The following AMN1 variants were observed in gnomAD, a reference collection of about 807,000 sequenced individuals.
AMN1 encodes the protein antagonist of mitotic exit network 1 homolog.
In AMN1, 20 loss-of-function variants were observed where a neutral mutation model predicts 33.0. The ratio of observed to expected loss-of-function variants is 0.61; its 90% CI spans 0.43 to 0.88. The LOEUF (loss-of-function observed/expected upper bound fraction) is 0.88. Among genes scored for constraint, AMN1 ranks in the 40% least tolerant of loss-of-function variants. The probability of loss-of-function intolerance (pLI) is 0.00; values close to 1 mark genes in which losing one functional copy is unlikely to be tolerated. For synonymous variants in AMN1, 114 were observed against 111.9 expected (o/e 1.02, Z -0.12); for missense variants, 246 against 307.4 (o/e 0.80, Z 1.49).
intron 1 of AMN1, among the ~76,000 whole-genome samples, chr12:31,709,834 A>T (rs1009055480): frequency 6.6e-6 from 1 of 152,182 alleles, no homozygotes; most frequent in African/African-American, 2.4e-5. Context: ...GTCTCAAAAA[A>T]AAGTATATAC....
intron 6 of AMN1, among the ~76,000 whole-genome samples, chr12:31,679,631 C>T (rs2062201717): frequency 1.3e-5 from 2 of 152,176 alleles, no homozygotes; most frequent in African/African-American, 4.8e-5. Flanking sequence ...CTGTTGGATT[C>T]TCCTGCCTCT....
intron 2 of AMN1, among the ~76,000 whole-genome samples, chr12:31,705,545 T>C (rs1295566213): frequency 6.6e-6 from 1 of 151,966 alleles, no homozygotes; most frequent in Non-Finnish European, 1.5e-5. Flanking sequence ...GCTGGAGTGC[T>C]ATCATCAGAC....
chr12:31,674,152 C>A (rs938887042), intron 6 of AMN1, among the ~76,000 whole-genome samples: 1 of 151,776 alleles, frequency 6.6e-6, no homozygotes, highest in African/African-American at 2.4e-5. Flanking sequence ...CTCACGCCTG[C>A]AATCCCAGCA....
chr12:31,718,958 G>T (rs1939782055), intron 1 of AMN1, among the ~76,000 whole-genome samples: 1 of 152,256 alleles, frequency 6.6e-6, no homozygotes, highest in South Asian at 2.1e-4. Flanking sequence ...TGCTGCGCTA[G>T]CAGCGAGCAA....
intron 6 of AMN1, among the ~76,000 whole-genome samples, chr12:31,675,556 T>C (rs1951369425): frequency 6.6e-6 from 1 of 151,506 alleles, no homozygotes; most frequent in Non-Finnish European, 1.5e-5. Flanking sequence ...AGTTCAATGA[T>C]GTGATCTTGG....
At chr12:31,698,873 G>A (rs1041422031) in intron 3 of AMN1, among the ~76,000 whole-genome samples, 1 of 152,000 alleles carries the variant, frequency 6.6e-6, no homozygotes, top group African/African-American at 2.4e-5. Flanking sequence ...ATAATTTCCT[G>A]AGTGACCGGA....
Position 31,677,182 on chromosome 12 carries a change from C to A in AMN1, c.704-4805G>T, listed in dbSNP as rs182854998. Among the ~76,000 whole-genome samples the A allele has an allele frequency of 1.2e-3, 188 of 152,220 alleles. 2 individuals are homozygous for A. Among genetic ancestry groups the A allele is most frequent in the Non-Finnish European group, 3.1e-4 (21 of 68,014 alleles). On this transcript the variant is annotated intron_variant, in intron 6 of 6. Transcript: ENST00000281471. ...GGGCGTAGTGGCGTGCACCTGTAGTCCCAACTACTCGGGAGGCTGAGGCAG... is the reference window on the plus strand; with the variant it reads ...GGGCGTAGTGGCGTGCACCTGTAGTACCAACTACTCGGGAGGCTGAGGCAG...
intron 6 of AMN1, among the ~76,000 whole-genome samples, chr12:31,675,505 T>C (rs1031748756): frequency 7.9e-5 from 12 of 151,742 alleles, no homozygotes; most frequent in Non-Finnish European, 1.3e-4. Flanking sequence ...CCACACTTTT[T>C]TTTTTTTTTG....
intron 3 of AMN1, among the ~76,000 whole-genome samples, chr12:31,698,194 T>C (rs374461543): frequency 2.0e-4 from 31 of 152,200 alleles, no homozygotes; most frequent in African/African-American, 6.8e-4. Flanking sequence ...CAAGGCTTTA[T>C]TGTCCACAGG....
At chr12:31,694,435 T>A (rs1320541761) in intron 5 of AMN1, among the ~76,000 whole-genome samples, 1 of 117,442 alleles carries the variant, frequency 8.5e-6, no homozygotes. Context: ...AGAGCGAAAC[T>A]CTGTCTCAAA....
chr12:31,678,437 C>A (rs1189593616), intron 6 of AMN1, among the ~76,000 whole-genome samples: 1 of 151,798 alleles, frequency 6.6e-6, no homozygotes, highest in Non-Finnish European at 1.5e-5. Context: ...CACCCTGTCG[C>A]CTAGGCTGGA....
chr12:31,687,407 C>A lies in AMN1; in HGVS notation c.703+1600G>T, dbSNP rs190166233. 4.6e-5 allele frequency among the ~76,000 whole-genome samples: 7 copies of A among 152,248 alleles called. No individual in the cohort carries two copies. The highest frequency in any genetic ancestry group is 3.9e-4 in the Admixed American group (6 of 15,282). ...TTAACCTACAGAATAATTGTTTAGACTGGCTGGGCATGGTGGCTCACGCCT... is the reference window on the plus strand; with the variant it reads ...TTAACCTACAGAATAATTGTTTAGAATGGCTGGGCATGGTGGCTCACGCCT... On this transcript the variant is annotated intron_variant, in intron 6 of 6. Coordinates refer to ENST00000281471, the MANE Select transcript of AMN1 (RefSeq NM_001113402.2). This position sits in a 1 kb window ranked among gnomAD's most constrained non-coding sequence, Gnocchi z 4.1.
intron 6 of AMN1, among the ~76,000 whole-genome samples, chr12:31,681,905 G>A (rs1210101846): frequency 1.3e-5 from 2 of 152,060 alleles, no homozygotes. Flanking sequence ...TCAAACTCCT[G>A]CATTCAAGCG....
intron 1 of AMN1, among the ~76,000 whole-genome samples, chr12:31,728,038 T>A (rs1940150366): frequency 6.6e-6 from 1 of 152,182 alleles, no homozygotes; most frequent in Admixed American, 6.5e-5. Context: ...TTTTTGTATC[T>A]TTAGTAGAGG....
intron 6 of AMN1, among the ~76,000 whole-genome samples, chr12:31,679,227 C>CT (rs1215343867): frequency 6.6e-6 from 1 of 152,004 alleles, no homozygotes; most frequent in Non-Finnish European, 1.5e-5. Flanking sequence ...TATCCAGAAT[C>CT]TAAGTAAAGA....
At chr12:31,693,995 C>T (rs1366367763) in intron 5 of AMN1, among the ~76,000 whole-genome samples, 3 of 152,064 alleles carry the variant, frequency 2.0e-5, no homozygotes, top group Non-Finnish European at 4.4e-5. Flanking sequence ...AGGAAAGGTC[C>T]TTAGACCTTT....
chr12:31,679,115 C>T (rs1265788558), intron 6 of AMN1, among the ~76,000 whole-genome samples: 1 of 151,952 alleles, frequency 6.6e-6, no homozygotes, highest in Non-Finnish European at 1.5e-5. Flanking sequence ...TCGAGACAGT[C>T]TGACCAACAT....
rs765390249 is a variant in AMN1 at position 31,689,126 on chromosome 12, A to C, written c.592-8T>G. The C allele has an allele frequency of 1.4e-5, 21 of 1,526,210 alleles. No individual in the cohort carries two copies. The highest frequency in any genetic ancestry group is 1.9e-5 in the Non-Finnish European group (21 of 1,105,974). 94.5% of individuals were successfully genotyped at this position (1,526,210 alleles called of 1,614,324 possible). On this transcript the variant is annotated splice_polypyrimidine_tract_variant and splice_region_variant and intron_variant, in intron 5 of 6. Coordinates refer to ENST00000281471, the MANE Select transcript of AMN1 (RefSeq NM_001113402.2). Reference sequence around the variant, plus strand: ...ATGTCCCATATGAATCTCCTATGCAAAAATAAAGAAAATAAAGTCAAATGA... The same window carrying C: ...ATGTCCCATATGAATCTCCTATGCACAAATAAAGAAAATAAAGTCAAATGA...
intron 3 of AMN1, among the ~76,000 whole-genome samples, chr12:31,701,189 G>C (rs924477617): frequency 6.6e-6 from 1 of 151,384 alleles, no homozygotes; most frequent in Non-Finnish European, 1.5e-5. Flanking sequence ...AGTAGAGACA[G>C]GGTTTCTCCA....
Sources: gnomAD v4.1 joint callset for allele counts (sites outside exome capture counted in the v4.1 genomes callset) on GRCh38, gnomAD v4.1.1 for gene constraint, Gnocchi (gnomAD v3.1) non-coding constraint, MANE v1.5 for transcripts, NCBI Gene and HGNC (gene_info 2026-07-23, HGNC 2026-07-21) for gene names.